Variants in DOCK4 observed in about 807,000 individuals in gnomAD.
DOCK4 encodes the protein dedicator of cytokinesis 4.
DOCK4 carries 97 observed loss-of-function variants against 268.1 expected under a neutral mutation model. The observed-to-expected ratio is 0.36, with a 90% CI of 0.31 to 0.43. The LOEUF is 0.43. Among genes scored for constraint, DOCK4 ranks in the 20% least tolerant of loss-of-function variants. The pLI, the probability that DOCK4 is intolerant of heterozygous loss-of-function variation, is 1.00. For synonymous variants in DOCK4, 954 were observed against 887.2 expected (o/e 1.08, Z -1.34); for missense variants, 2,145 against 2,455.7 (o/e 0.87, Z 2.67).
At chr7:111,740,074 T>C in intron 47 of DOCK4, 1 of 441,994 alleles carries the variant, frequency 2.3e-6, no homozygotes, top group South Asian at 1.6e-5. Context: ...TAAAGATAAT[T>C]TTAAAACAGA....
chr7:111,748,372 C>CA (rs1796415660), intron 42 of DOCK4, among the ~76,000 whole-genome samples: 1 of 151,216 alleles, frequency 6.6e-6, no homozygotes, highest in African/African-American at 2.4e-5. Context: ...GTGTAACCAT[C>CA]AAAAAGCACG....
chr7:111,810,250 G>A (rs1264154384), intron 28 of DOCK4, among the ~76,000 whole-genome samples: 3 of 151,832 alleles, frequency 2.0e-5, no homozygotes, highest in East Asian at 2.0e-4. Flanking sequence ...TCAGGAGTTC[G>A]AGACCAGCCT....
intron 27 of DOCK4, chr7:111,819,640 G>C (rs1289614277): frequency 1.3e-5 from 2 of 152,222 alleles, no homozygotes; most frequent in Non-Finnish European, 2.9e-5. Flanking sequence ...ACAGCTTATA[G>C]ATGAAAGTTA....
chr7:111,784,316 A>G (rs1006092794), intron 32 of DOCK4, 193 bp from the exon 33 acceptor site: 11 of 721,374 alleles, frequency 1.5e-5, no homozygotes, highest in Admixed American at 2.0e-5. Context: ...AAAAAGCAAA[A>G]ACAGGAGTGC....
At chr7:111,861,053 A>G (rs541863073) in intron 23 of DOCK4, among the ~76,000 whole-genome samples, 10 of 152,296 alleles carry the variant, frequency 6.6e-5, no homozygotes, top group Non-Finnish European at 1.3e-4. Flanking sequence ...CCTCTGAGAC[A>G]GGAGTGAACT....
chr7:112,128,019 ACT>A (rs1813401319), intron 1 of DOCK4, among the ~76,000 whole-genome samples: 1 of 152,004 alleles, frequency 6.6e-6, no homozygotes, highest in Non-Finnish European at 1.5e-5. Flanking sequence ...ACAGAGCGAG[ACT>A]CTGTCGGGGG....
intron 1 of DOCK4, among the ~76,000 whole-genome samples, chr7:112,178,886 G>A (rs538609415): frequency 6.6e-6 from 1 of 152,118 alleles, no homozygotes; most frequent in East Asian, 1.9e-4. Context: ...GGTTTTGTAC[G>A]TATCCTCATA....
At chr7:111,775,743 G>C (rs1160737508) in intron 36 of DOCK4, among the ~76,000 whole-genome samples, 1 of 152,224 alleles carries the variant, frequency 6.6e-6, no homozygotes, top group Non-Finnish European at 1.5e-5. Context: ...GCACACTGTA[G>C]GGGTGGCAGT....
chr7:111,736,973 T>A lies in DOCK4; in HGVS notation c.5249A>T (p.His1750Leu), dbSNP rs763662318. Residue 1750 changes from histidine to leucine, a missense_variant, in exon 50 of 53, where the codon CAT becomes CTT. His to Leu is a moderately conservative substitution (Grantham distance 99, BLOSUM62 -3). Transcript: ENST00000428084. Reference sequence around the variant, plus strand: ...GCGTGGCAAGGCCCCGTCTCCAATATGATTAAACAGCATCCTCTGCAAAGT... The same window carrying A: ...GCGTGGCAAGGCCCCGTCTCCAATAAGATTAAACAGCATCCTCTGCAAAGT... ...VEPSQRMLFN[H>L]IGDGALPRSD... The A allele has an allele frequency of 1.2e-6, 2 of 1,604,356 alleles. No homozygotes were observed. Among genetic ancestry groups the A allele is most frequent in the African/African-American group, 2.7e-5 (2 of 74,832 alleles).
intron 29 of DOCK4, 49 bp downstream of exon 29, chr7:111,809,252 T>C (rs747866342): frequency 1.5e-6 from 2 of 1,376,314 alleles, no homozygotes; most frequent in African/African-American, 2.9e-5. Flanking sequence ...TTGAACTAAA[T>C]ACTCTTTAAG....
chr7:112,164,718 C>T (rs544953224), intron 1 of DOCK4, among the ~76,000 whole-genome samples: 3 of 152,322 alleles, frequency 2.0e-5, no homozygotes, highest in South Asian at 4.1e-4. Flanking sequence ...AGACATCATG[C>T]TAAATGCATT....
At chr7:111,787,225 T>C (rs994207446) in intron 32 of DOCK4, among the ~76,000 whole-genome samples, 2 of 152,186 alleles carry the variant, frequency 1.3e-5, no homozygotes, top group African/African-American at 4.8e-5. Context: ...ATCACAAATC[T>C]CAAGAGATTC....
At chr7:111,930,102 T>C (rs1235772169) in intron 12 of DOCK4, among the ~76,000 whole-genome samples, 1 of 152,234 alleles carries the variant, frequency 6.6e-6, no homozygotes, top group Non-Finnish European at 1.5e-5. Context: ...TGAATACTTT[T>C]AGAATTTCAA....
chr7:111,896,162 C>G (rs1347933072), intron 15 of DOCK4, among the ~76,000 whole-genome samples: 1 of 152,154 alleles, frequency 6.6e-6, no homozygotes, highest in Non-Finnish European at 1.5e-5. Context: ...AAGGGAATCT[C>G]TAAGCTCTAC....
In DOCK4 at chr7:111,854,672, G is replaced by A. The variant is rs991537821; in HGVS notation, c.2474-7546C>T. 7.2e-5 allele frequency among the ~76,000 whole-genome samples: 11 copies of A among 152,222 alleles called. 1 individual carries two copies. The South Asian group carries it at 1.2e-3, about 17-fold the overall frequency. On this transcript the variant is annotated intron_variant, in intron 23 of 52. Transcript: ENST00000428084. Reference sequence around the variant, plus strand: ...GCTGGGATTACAGGCGTGAGCGACCGCACCCAGCTATTCAGTAGCTTTTGC... The same window carrying A: ...GCTGGGATTACAGGCGTGAGCGACCACACCCAGCTATTCAGTAGCTTTTGC...
intron 21 of DOCK4, among the ~76,000 whole-genome samples, chr7:111,868,574 G>A (rs1806164708): frequency 6.6e-6 from 1 of 152,058 alleles, no homozygotes; most frequent in Admixed American, 6.5e-5. Context: ...GCCAGGCATG[G>A]TGGCCCATGC....
intron 12 of DOCK4, among the ~76,000 whole-genome samples, chr7:111,921,246 G>T (rs1562888592): frequency 6.6e-6 from 1 of 152,154 alleles, no homozygotes; most frequent in Non-Finnish European, 1.5e-5. Context: ...TCTGGAGTCT[G>T]CCATAAAACA....
intron 1 of DOCK4, among the ~76,000 whole-genome samples, chr7:112,055,487 C>T (rs1319133683): frequency 1.3e-5 from 2 of 152,134 alleles, no homozygotes; most frequent in African/African-American, 4.8e-5. Context: ...GTGCAAACTC[C>T]ACACAAAGAG....
At chr7:112,121,128 C>G (rs1812688599) in intron 1 of DOCK4, among the ~76,000 whole-genome samples, 1 of 152,188 alleles carries the variant, frequency 6.6e-6, no homozygotes, top group Non-Finnish European at 1.5e-5. Context: ...GTTATATCCT[C>G]ATGATAAAAC....
Sources: allele counts gnomAD v4.1 joint callset (sites outside exome capture counted in the v4.1 genomes callset), GRCh38; gene constraint gnomAD v4.1.1; transcripts MANE v1.5; gene names NCBI Gene and HGNC (gene_info 2026-07-23, HGNC 2026-07-21).